The following ZAN variants were observed in gnomAD, a reference collection of about 807,000 sequenced individuals.
ZAN encodes zonadhesin.
A neutral mutation model predicts 286.2 loss-of-function variants in ZAN; 260 were observed. The ratio of observed to expected loss-of-function variants is 0.91; its 90% CI spans 0.82 to 1.01. ZAN has a LOEUF of 1.01. Among genes scored for constraint, ZAN ranks in the 50% least tolerant of loss-of-function variants. The probability of loss-of-function intolerance (pLI) is 0.00; values close to 1 mark genes in which losing one functional copy is unlikely to be tolerated. For synonymous variants in ZAN, 1,368 were observed against 1,417.5 expected (o/e 0.97, Z 0.79); for missense variants, 3,410 against 3,639.2 (o/e 0.94, Z 1.62).
In ZAN at chr7:100,773,861, C is replaced by G. The variant is rs1344541527; in HGVS notation, c.5775C>G (p.Ala1925=). The G allele has an allele frequency of 1.0e-5, 16 of 1,595,150 alleles. No individual in the cohort carries two copies. The highest frequency in any genetic ancestry group is 1.3e-5 in the Non-Finnish European group (15 of 1,169,116). ...TGGATGGGCTGCTCCATTGTCGGGC[C>G]TCAGGTAGGAGGACCACGGTGATGG... The part of the protein sequence containing the change: ...WALDGLLHCR[A]SGVGVCQLPG... The change falls in exon 31 of 48, where the codon GCC becomes GCG. Residue 1925 remains alanine, a synonymous_variant. Transcript: ENST00000613979.
At chr7:100,766,982 A>C (rs1304276529) in intron 24 of ZAN, 28 bp from the exon 25 acceptor site, 1 of 1,611,136 alleles carries the variant, frequency 6.2e-7, no homozygotes, top group Admixed American at 1.7e-5. Flanking sequence ...GAGGAGTGAG[A>C]CTGTGAACTC....
rs1350670790 is a variant in ZAN, at chr7:100,763,958, G to T, written c.4097+42G>T. 6 of 790,668 alleles carry T rather than the reference G, an allele frequency of 7.6e-6. No individual in the cohort carries two copies. Among genetic ancestry groups the T allele is most frequent in the Non-Finnish European group, 8.4e-6 (5 of 593,840 alleles). 49.0% of individuals were successfully genotyped at this position (790,668 alleles called of 1,614,324 possible). A position where few individuals can be genotyped will look rare whatever the true frequency, so the allele number is the denominator to read the frequency against. On this transcript the variant is annotated intron_variant, in intron 21 of 47. Transcript: ENST00000613979. The surrounding 1 kb of genome is among the most constrained non-coding windows in gnomAD (Gnocchi z 4.6). ...GCAGGGTCGCACAGGGGCGATGCTT[G>T]GCACCTGGGCTCCTCCAAGGCTCTA...
chr7:100,760,675 G>T, intron 19 of ZAN, 139 bp downstream of exon 19: 1 of 1,322,396 alleles, frequency 7.6e-7, no homozygotes. Flanking sequence ...TTCACGGATG[G>T]GAAGCACCCT....
chr7:100,752,092 A>G lies in ZAN; in HGVS notation c.1987A>G (p.Thr663Ala), dbSNP rs1808725760. 6.2e-7 allele frequency: 1 copy of G among 1,611,162 alleles called. No individual in the cohort carries two copies. The highest frequency in any genetic ancestry group is 8.5e-7 in the Non-Finnish European group (1 of 1,179,342). Residue 663 changes from threonine to alanine, a missense_variant, in exon 14 of 48, where the codon ACC becomes GCC. Around this residue, in one of 7 missense-constraint regions of ZAN, gnomAD observed 872 missense variants for 938.9 expected, o/e 0.93. Transcript: ENST00000613979. ...CACCGTCCCCACAGAAGAGCCCACC[A>G]CCCCCACTGAGGAGACCACCACCTC... Reference protein sequence around the residue: ...KPTVPTEEPTTPTEETTTSME... With the variant: ...KPTVPTEEPTAPTEETTTSME...
chr7:100,774,151 G>A (rs1810596553), intron 31 of ZAN, among the ~76,000 whole-genome samples: 1 of 152,196 alleles, frequency 6.6e-6, no homozygotes, highest in Non-Finnish European at 1.5e-5. Flanking sequence ...CACTTTGGAA[G>A]GCCAAGGCGG....
rs530702519 is a variant in ZAN at position 100,737,209 on chromosome 7, A to G, written c.526-53A>G. ...GAATTCAGGAAGAAAACTAGGAGCCAGGAGGCCTGGCTGAGGGGCTCATGG... is the reference window on the plus strand; with the variant it reads ...GAATTCAGGAAGAAAACTAGGAGCCGGGAGGCCTGGCTGAGGGGCTCATGG... On this transcript the variant is annotated intron_variant, in intron 5 of 47. Coordinates refer to ENST00000613979, the MANE Select transcript of ZAN (RefSeq NM_003386.3). The G allele has an allele frequency of 9.2e-6, 13 of 1,418,950 alleles. 2 individuals carry two copies. The highest frequency in any genetic ancestry group is 1.5e-5 in the African/African-American group (1 of 68,730). 87.9% of individuals were successfully genotyped at this position (1,418,950 alleles called of 1,614,324 possible). A position where few individuals can be genotyped will look rare whatever the true frequency, so the allele number is the denominator to read the frequency against.
At chr7:100,742,300 A>G (rs1807850399) in intron 7 of ZAN, among the ~76,000 whole-genome samples, 1 of 91,044 alleles carries the variant, frequency 1.1e-5, no homozygotes, top group Non-Finnish European at 2.3e-5. Context: ...CTCACTTCCT[A>G]GATGTGATGG....
intron 19 of ZAN, 126 bp from the exon 20 acceptor site, chr7:100,762,089 C>A: frequency 1.6e-6 from 2 of 1,216,648 alleles, no homozygotes; most frequent in Non-Finnish European, 1.2e-6. Flanking sequence ...TTGTCCAGTC[C>A]GCACCTCTTC....
intron 19 of ZAN, among the ~76,000 whole-genome samples, chr7:100,760,881 G>A (rs530542387): frequency 6.6e-6 from 1 of 152,154 alleles, no homozygotes; most frequent in Admixed American, 6.6e-5. Context: ...GACAAAACAA[G>A]GGAAAGCAAG....
chr7:100,759,588 C>A, intron 17 of ZAN, 133 bp from the exon 18 acceptor site: 1 of 1,187,394 alleles, frequency 8.4e-7, no homozygotes, highest in Non-Finnish European at 1.1e-6. Flanking sequence ...TGGATCCGGC[C>A]TCCCCTACTG....
intron 2 of ZAN, 125 bp from the exon 3 acceptor site, chr7:100,735,595 A>T (rs943941486): frequency 4.2e-6 from 3 of 719,384 alleles, no homozygotes; most frequent in Non-Finnish European, 4.4e-6. Context: ...GTCAAGTCAG[A>T]CACATTCACT....
At chr7:100,770,076 GA>G in intron 28 of ZAN, 102 bp downstream of exon 28, 1 of 1,210,874 alleles carries the variant, frequency 8.3e-7, no homozygotes, top group Non-Finnish European at 1.2e-6. Flanking sequence ...GAAACAGATG[GA>G]AAAGCATGAG....
At chr7:100,749,986 G>T in intron 11 of ZAN, among the ~76,000 whole-genome samples, 1 of 147,928 alleles carries the variant, frequency 6.8e-6, no homozygotes, top group Non-Finnish European at 1.5e-5. Context: ...GGGAGGTGGA[G>T]GTTGTAGTGA....
chr7:100,780,472 G>A (rs914450857), intron 35 of ZAN, among the ~76,000 whole-genome samples: 12 of 151,700 alleles, frequency 7.9e-5, no homozygotes, highest in Non-Finnish European at 1.5e-4. Flanking sequence ...CCAGGAGTTC[G>A]AGACCAGCCT....
rs1175194160 is a variant in ZAN, at chr7:100,768,003, G to A, written c.5033G>A (p.Gly1678Glu). 2 of 1,611,938 alleles carry A rather than the reference G, an allele frequency of 1.2e-6. No individual in the cohort carries two copies. The highest frequency in any genetic ancestry group is 1.3e-5 in the African/African-American group (1 of 75,026). Residue 1678 changes from glycine (G) to glutamate (E), a missense_variant, in exon 26 of 48, where the codon GGG becomes GAG. Gly to Glu is a moderately conservative substitution (Grantham distance 98, BLOSUM62 -2). Transcript: ENST00000613979. ...TCCTCCTATGGCGGCCAGCTCTGTG[G>A]GCTGTGTGGTGAGTTTCCTGGGCAC... ...VPSSYGGQLC[G>E]LCGNYNNNSL... is the part of the protein sequence containing the mutation.
intron 14 of ZAN, among the ~76,000 whole-genome samples, chr7:100,754,738 T>C (rs113695518): frequency 0.031 from 4,650 of 151,726 alleles, 109 homozygotes; most frequent in African/African-American, 0.059. Context: ...TCCCAAAGTC[T>C]TGGGATTACA....
chr7:100,788,738 G>C (rs111943953), intron 38 of ZAN, among the ~76,000 whole-genome samples: 20 of 152,054 alleles, frequency 1.3e-4, no homozygotes, highest in Middle Eastern at 3.4e-3. Context: ...TCACTCTGTC[G>C]CCCAGGCTGG....
chr7:100,795,922 TA>T (rs1393279740), intron 45 of ZAN, among the ~76,000 whole-genome samples: 1 of 142,440 alleles, frequency 7.0e-6, no homozygotes, highest in South Asian at 2.3e-4. Context: ...AATAAAAAAA[TA>T]AAAAAAAATT....
intron 45 of ZAN, 132 bp downstream of exon 45, chr7:100,795,468 T>C: frequency 1.1e-6 from 1 of 920,126 alleles, no homozygotes; most frequent in African/African-American, 1.8e-5. Flanking sequence ...ATATTATATA[T>C]TATAAACATA....
Sources: gnomAD v4.1 joint callset for allele counts (sites outside exome capture counted in the v4.1 genomes callset) on GRCh38, gnomAD v4.1.1 for gene constraint, gnomAD v4.1.1 regional missense constraint, Gnocchi (gnomAD v3.1) non-coding constraint, MANE v1.5 for transcripts, NCBI Gene and HGNC (gene_info 2026-07-23, HGNC 2026-07-21) for gene names.